The following INSYN2B variants were observed in gnomAD, a reference collection of about 807,000 sequenced individuals.
INSYN2B encodes the protein inhibitory synaptic factor family member 2B.
INSYN2B carries 16 observed loss-of-function variants against 41.2 expected under a neutral mutation model. That is an observed-to-expected ratio of 0.39 (90% CI 0.26 to 0.59). INSYN2B has a LOEUF of 0.59. INSYN2B is among the 20% of genes least tolerant of loss of function. The pLI is 0.57. For synonymous variants in INSYN2B, 245 were observed against 244.4 expected, an observed-to-expected ratio of 1.00 and a Z score of -0.02; for missense variants, 608 against 646.4, an observed-to-expected ratio of 0.94 and a Z score of 0.64.
chr5:169,955,434 G>A (rs558601930), intron 1 of INSYN2B, among the ~76,000 whole-genome samples: 30 of 152,260 alleles, frequency 2.0e-4, no homozygotes, highest in Non-Finnish European at 3.7e-4. Flanking sequence ...AGGAGGATGC[G>A]CCCCTGGACA....
At chr5:169,927,380 C>A (rs1215201421) in intron 1 of INSYN2B, among the ~76,000 whole-genome samples, 1 of 152,104 alleles carries the variant, frequency 6.6e-6, no homozygotes, top group Non-Finnish European at 1.5e-5. Flanking sequence ...ATTGCTGGAC[C>A]CCATCCCTAG....
intron 1 of INSYN2B, among the ~76,000 whole-genome samples, chr5:169,928,414 G>C (rs528617353): frequency 1.6e-4 from 24 of 152,352 alleles, no homozygotes; most frequent in Middle Eastern, 6.8e-3. Context: ...ATGCCCCGCT[G>C]TTTTCACGTA....
At chr5:169,959,320 G>C (rs1402361515) in intron 1 of INSYN2B, among the ~76,000 whole-genome samples, 1 of 151,418 alleles carries the variant, frequency 6.6e-6, no homozygotes, top group Non-Finnish European at 1.5e-5. Context: ...TTGAACCTGA[G>C]ATCACACCAC....
intron 1 of INSYN2B, among the ~76,000 whole-genome samples, chr5:169,912,702 G>A (rs907067944): frequency 1.7e-4 from 26 of 152,106 alleles, no homozygotes; most frequent in African/African-American, 4.1e-4. Flanking sequence ...AAGGTAGTAG[G>A]AAAATGGAGT....
rs761275602 is a variant in INSYN2B, at chr5:169,883,056, G to C, written c.843C>G (p.Pro281=). 1 of 1,551,586 alleles carries C rather than the reference G, an allele frequency of 6.4e-7. No individual in the cohort carries two copies. ...TEELKPELLL[P]KDNSDDKDLG... ...GGTCTTTGTCATCTGAGTTGTCTTT[G>C]GGCAAAAGCAATTCAGGTTTAAGTT... The change falls in exon 2 of 4, where the codon CCC becomes CCG. Residue 281 remains proline, a synonymous_variant. Transcript: ENST00000377365.
rs528627039 is a variant in INSYN2B, at chr5:169,925,351, G to A, written c.-918-40535C>T. Among the ~76,000 whole-genome samples the A allele has an allele frequency of 3.9e-5, 6 of 152,272 alleles. No homozygotes were observed. The East Asian group carries it at 1.2e-3, about 30-fold the overall frequency. On this transcript the variant is annotated intron_variant, in intron 1 of 3. Coordinates refer to ENST00000377365, the MANE Select transcript of INSYN2B (RefSeq NM_001129891.3). ...AGCATCGTCTTGTTGAGAGGCTGAG[G>A]TGGGCAGATCACAAGGTCAGGCGTT...
chr5:169,867,617 T>C (rs1448698742), intron 3 of INSYN2B, among the ~76,000 whole-genome samples: 1 of 103,266 alleles, frequency 9.7e-6, no homozygotes, highest in Non-Finnish European at 1.9e-5. Flanking sequence ...TCATGTATCA[T>C]TATCTATCAT....
chr5:169,913,986 C>G (rs181888381), intron 1 of INSYN2B, among the ~76,000 whole-genome samples: 1 of 152,244 alleles, frequency 6.6e-6, no homozygotes, highest in African/African-American at 2.4e-5. Flanking sequence ...CGTGTCCTGA[C>G]CCATATCACA....
chr5:169,944,272 C>T (rs1776360926), intron 1 of INSYN2B, among the ~76,000 whole-genome samples: 1 of 152,206 alleles, frequency 6.6e-6, no homozygotes, highest in African/African-American at 2.4e-5. Context: ...CCTGCCCATG[C>T]ACAGAGGTGT....
intron 1 of INSYN2B, among the ~76,000 whole-genome samples, chr5:169,929,278 T>C (rs763352968): frequency 6.6e-6 from 1 of 152,224 alleles, no homozygotes; most frequent in Non-Finnish European, 1.5e-5. Flanking sequence ...ATGGTAAACA[T>C]TTCTCTTTCC....
At position 169,868,251 on chromosome 5, in the gene INSYN2B, A is replaced by G. The variant is rs111237419; in HGVS notation, c.1422-3792T>C. Among the ~76,000 whole-genome samples, 226 of 152,332 alleles carry G rather than the reference A, an allele frequency of 1.5e-3. 1 individual carries two copies. Among genetic ancestry groups the G allele is most frequent in the African/African-American group, 5.3e-3 (220 of 41,574 alleles). ...GTTTGAGATAGGTGATTAAGTAACA[A>G]TTGCTTTCAAAATGTACTTCTTATT... On this transcript the variant is annotated intron_variant, in intron 3 of 3. Transcript: ENST00000377365.
At chr5:169,975,034 G>T (rs1359364839) in intron 1 of INSYN2B, among the ~76,000 whole-genome samples, 2 of 152,062 alleles carry the variant, frequency 1.3e-5, no homozygotes, top group South Asian at 2.1e-4. Context: ...ATTCAACTCT[G>T]CATGACAGGG....
chr5:169,949,248 T>C (rs1776564674), intron 1 of INSYN2B, among the ~76,000 whole-genome samples: 2 of 152,332 alleles, frequency 1.3e-5, no homozygotes, highest in South Asian at 4.1e-4. Context: ...GTGGTAGGGA[T>C]CCATTGAAGA....
intron 1 of INSYN2B, among the ~76,000 whole-genome samples, chr5:169,905,228 C>A (rs1318096652): frequency 6.6e-6 from 1 of 151,846 alleles, no homozygotes; most frequent in Non-Finnish European, 1.5e-5. Flanking sequence ...ACAAAGGGGA[C>A]CCCTGCTGTC....
chr5:169,883,533 C>T lies in INSYN2B; in HGVS notation c.366G>A (p.Val122=). ...RKRLTASKSL[V]EMPTASQSAI... is the part of the protein sequence containing the mutation. ...CACTTTGGGAGGCTGTTGGCATTTC[C>T]ACCAGGGACTTACTGGCTGTGAGTC... is the stretch of plus-strand genomic sequence containing the variant. The change falls in exon 2 of 4, where the codon GTG becomes GTA. Residue 122 remains valine, a synonymous_variant. Transcript: ENST00000377365. 2 of 1,551,630 alleles carry T rather than the reference C, an allele frequency of 1.3e-6. 1 individual carries two copies. Among genetic ancestry groups the T allele is most frequent in the South Asian group, 2.4e-5 (2 of 84,044 alleles).
chr5:169,914,272 A>G (rs155022), intron 1 of INSYN2B, among the ~76,000 whole-genome samples: 58,166 of 152,052 alleles, frequency 0.38, 12,023 homozygotes, highest in East Asian at 0.55. Flanking sequence ...AACTCAATTC[A>G]CCTTACCCCA....
intron 3 of INSYN2B, chr5:169,875,759 A>G (rs562794057): frequency 1.3e-5 from 2 of 153,786 alleles, no homozygotes; most frequent in Non-Finnish European, 2.9e-5. Flanking sequence ...ATCCTCGGTA[A>G]GTGGTAGCTC....
chr5:169,959,988 C>T (rs947853627), intron 1 of INSYN2B, among the ~76,000 whole-genome samples: 4 of 152,136 alleles, frequency 2.6e-5, no homozygotes, highest in South Asian at 2.1e-4. Flanking sequence ...AAATTAAATT[C>T]GACCATGTAA....
chr5:169,865,040 T>G (rs968755268), intron 3 of INSYN2B, among the ~76,000 whole-genome samples: 4 of 152,220 alleles, frequency 2.6e-5, no homozygotes, highest in Admixed American at 1.3e-4. Flanking sequence ...TACCAATATA[T>G]TACGTCTTGC....
Sources: allele counts gnomAD v4.1 joint callset (sites outside exome capture counted in the v4.1 genomes callset), GRCh38; gene constraint gnomAD v4.1.1; transcripts MANE v1.5; gene names NCBI Gene and HGNC (gene_info 2026-07-23, HGNC 2026-07-21).